Variants in B4GALT1 observed in about 807,000 individuals in gnomAD.
B4GALT1 encodes beta-1,4-galactosyltransferase 1, also known as N-acetyllactosamine synthase.
A neutral mutation model predicts 34.9 loss-of-function variants in B4GALT1; 16 were observed. The observed-to-expected ratio is 0.46, with a 90% CI of 0.31 to 0.70. The LOEUF is 0.70. Ranked by LOEUF, B4GALT1 falls within the 30% of genes least tolerant of loss-of-function variation. The pLI is 0.05. For missense variants in B4GALT1, 445 were observed against 530.5 expected, an observed-to-expected ratio of 0.84 and a Z score of 1.58; for synonymous variants, 221 against 218.1, an observed-to-expected ratio of 1.01 and a Z score of -0.12.
intron 4 of B4GALT1, among the ~76,000 whole-genome samples, chr9:33,114,633 T>A (rs958706903): frequency 6.6e-6 from 1 of 152,088 alleles, no homozygotes; most frequent in Non-Finnish European, 1.5e-5. Flanking sequence ...AGAACAAGAC[T>A]AGAGGCAGCC....
chr9:33,183,953 G>T, the B4GALT1 span, among the ~76,000 whole-genome samples: 1 of 152,042 alleles, frequency 6.6e-6, no homozygotes, highest in Non-Finnish European at 1.5e-5. Flanking sequence ...CACTTGTTAA[G>T]TGGGAGTTGA....
In B4GALT1 at chr9:33,160,622, T is replaced by C. The variant is rs141780494; in HGVS notation, c.412+6136A>G. On this transcript the variant is annotated intron_variant, in intron 1 of 5. Coordinates refer to ENST00000379731, the MANE Select transcript of B4GALT1 (RefSeq NM_001497.4). ...TCTCTACAAAAAATACAAAAATTAG[T>C]CAGGCATGGCGGTGTGCACCTGTGG... 2.6e-3 allele frequency among the ~76,000 whole-genome samples: 391 copies of C among 152,134 alleles called. 1 individual carries two copies. The highest frequency in any genetic ancestry group is 8.5e-3 in the African/African-American group (351 of 41,488).
chr9:33,184,402 T>A, the B4GALT1 span, among the ~76,000 whole-genome samples: 1 of 152,154 alleles, frequency 6.6e-6, no homozygotes, highest in Non-Finnish European at 1.5e-5. Context: ...ATTTACCCTC[T>A]TCAACCACTA....
chr9:33,122,178 C>T (rs947764641), intron 2 of B4GALT1, among the ~76,000 whole-genome samples: 3 of 152,130 alleles, frequency 2.0e-5, no homozygotes, highest in South Asian at 2.1e-4. Flanking sequence ...GCGACTGGTA[C>T]ACAATCTCAA....
chr9:33,139,199 G>C (rs1309733126), intron 1 of B4GALT1, among the ~76,000 whole-genome samples: 2 of 152,178 alleles, frequency 1.3e-5, no homozygotes, highest in African/African-American at 2.4e-5. Context: ...GGTTGAGGTA[G>C]GGAGGGAGGA....
chr9:33,147,874 A>G (rs1215557303), intron 1 of B4GALT1, among the ~76,000 whole-genome samples: 1 of 140,006 alleles, frequency 7.1e-6, no homozygotes, highest in South Asian at 2.2e-4. Context: ...TCTCTAAAAA[A>G]TAAAATAAAA....
chr9:33,178,140 C>T, the B4GALT1 span, among the ~76,000 whole-genome samples: 16 of 151,962 alleles, frequency 1.1e-4, no homozygotes, highest in East Asian at 5.8e-4. Context: ...TACAGGTGTG[C>T]GCCACCATTC....
At position 33,113,063 on chromosome 9, in the gene B4GALT1, T is replaced by C. The variant is rs1839886965; in HGVS notation, c.*391A>G. 20 of 294,126 alleles carry C rather than the reference T, an allele frequency of 6.8e-5. No individual in the cohort carries two copies. Among genetic ancestry groups the C allele is most frequent in the South Asian group, 6.6e-4 (20 of 30,416 alleles). 18.2% of individuals were successfully genotyped at this position (294,126 alleles called of 1,614,324 possible). ...CACACCAATCCAATTTTAGCAGCAC[T>C]CTCCGAATTTTCACGAATAAGAAAA... is the stretch of plus-strand genomic sequence containing the variant. On this transcript the variant is annotated 3_prime_UTR_variant, in exon 6 of 6. Transcript: ENST00000379731.
upstream of B4GALT1, among the ~76,000 whole-genome samples, chr9:33,169,877 T>G (rs571510600): frequency 1.3e-5 from 2 of 152,046 alleles, no homozygotes; most frequent in African/African-American, 4.8e-5. Flanking sequence ...TATGCATTTA[T>G]TTTCTGTTGT....
Position 33,113,698 on chromosome 9 carries a change from T to C in B4GALT1, c.1064+76A>G, listed in dbSNP as rs144709276. The C allele has an allele frequency of 5.7e-5, 92 of 1,607,898 alleles. No homozygotes were observed. The African/African-American group carries it at 1.1e-3, about 20-fold the overall frequency. ...TGTAACCTGACCACCTCAATTTCCCTCTAGGCCCAGAGCCTCGGACCTGCA... is the reference window on the plus strand; with the variant it reads ...TGTAACCTGACCACCTCAATTTCCCCCTAGGCCCAGAGCCTCGGACCTGCA... On this transcript the variant is annotated intron_variant, in intron 5 of 5. Coordinates refer to ENST00000379731, the MANE Select transcript of B4GALT1 (RefSeq NM_001497.4).
At chr9:33,172,703 G>A in the B4GALT1 span, among the ~76,000 whole-genome samples, 1 of 152,174 alleles carries the variant, frequency 6.6e-6, no homozygotes, top group African/African-American at 2.4e-5. Flanking sequence ...GGAAGGTTGA[G>A]GTGGGAGGAC....
the B4GALT1 span, chr9:33,174,138 C>T: frequency 7.0e-4 from 4 of 5,724 alleles, no homozygotes; most frequent in Non-Finnish European, 2.5e-3. Flanking sequence ...ATGTTCTCAT[C>T]ACAATTGAAG....
chr9:33,104,585 T>A (rs1839780125), exon 3 of B4GALT1: 2 of 349,268 alleles, frequency 5.7e-6, no homozygotes, highest in Non-Finnish European at 1.1e-5. Context: ...GGGGTCAAGG[T>A]CCCCAGCTGG....
chr9:33,169,042 C>T (rs1029899022), upstream of B4GALT1, among the ~76,000 whole-genome samples: 1 of 152,198 alleles, frequency 6.6e-6, no homozygotes, highest in African/African-American at 2.4e-5. Flanking sequence ...TCAAAATTCA[C>T]CACCAGCCAA....
downstream of B4GALT1, among the ~76,000 whole-genome samples, chr9:33,109,345 T>C (rs1336336318): frequency 6.6e-6 from 1 of 152,248 alleles, no homozygotes; most frequent in Non-Finnish European, 1.5e-5. Flanking sequence ...TGCCTTGCCC[T>C]ATGCATCTCT....
upstream of B4GALT1, among the ~76,000 whole-genome samples, chr9:33,169,703 G>T (rs912208822): frequency 6.6e-6 from 1 of 151,664 alleles, no homozygotes; most frequent in Non-Finnish European, 1.5e-5. Flanking sequence ...TGTGTTTTTA[G>T]TAGAGACGGA....
chr9:33,138,903 G>T (rs925706194), intron 1 of B4GALT1, among the ~76,000 whole-genome samples: 1 of 152,008 alleles, frequency 6.6e-6, no homozygotes, highest in African/African-American at 2.4e-5. Context: ...TGATACCCGG[G>T]TGGTCCATCT....
In B4GALT1 at chr9:33,131,229, T is replaced by C. The variant is rs534298955; in HGVS notation, c.648+3960A>G. Among the ~76,000 whole-genome samples the C allele has an allele frequency of 2.6e-5, 4 of 152,226 alleles. No individual in the cohort carries two copies. In the East Asian group the frequency reaches 7.7e-4, roughly 29 times the overall value. Reference sequence around the variant, plus strand: ...CTAAACCTGGAGTCAGACGCTGGGGTTTGAGCCGCAGCCCTACTGTTGTCT... The same window carrying C: ...CTAAACCTGGAGTCAGACGCTGGGGCTTGAGCCGCAGCCCTACTGTTGTCT... On this transcript the variant is annotated intron_variant, in intron 2 of 5. Coordinates refer to ENST00000379731, the MANE Select transcript of B4GALT1 (RefSeq NM_001497.4).
chr9:33,157,533 T>C (rs1751259103), intron 1 of B4GALT1, among the ~76,000 whole-genome samples: 1 of 152,160 alleles, frequency 6.6e-6, no homozygotes, highest in Non-Finnish European at 1.5e-5. Flanking sequence ...TATAAGATAA[T>C]GTTGGATAAA....
Sources: allele counts gnomAD v4.1 joint callset (sites outside exome capture counted in the v4.1 genomes callset), GRCh38; gene constraint gnomAD v4.1.1; transcripts MANE v1.5; gene names NCBI Gene and HGNC (gene_info 2026-07-23, HGNC 2026-07-21).